Variants in UBE4B observed in about 807,000 individuals in gnomAD.
UBE4B encodes the protein ubiquitination factor E4B.
Under a neutral mutation model 148.1 loss-of-function variants are expected in UBE4B, and 27 were observed. That is an observed-to-expected ratio of 0.18 (90% CI 0.13 to 0.25). The LOEUF is 0.25. Among genes scored for constraint, UBE4B ranks in the 10% least tolerant of loss-of-function variants. The probability of loss-of-function intolerance (pLI) is 1.00; values close to 1 mark genes in which losing one functional copy is unlikely to be tolerated. For synonymous variants in UBE4B, 596 were observed against 619.3 expected, an observed-to-expected ratio of 0.96 and a Z score of 0.56; for missense variants, 1,170 against 1,662.4, an observed-to-expected ratio of 0.70 and a Z score of 5.15.
rs967480927 is a variant in UBE4B at position 10,032,990 on chromosome 1, T to C, written c.-681T>C. 1 of 151,794 alleles carries C rather than the reference T, an allele frequency of 6.6e-6. No individual in the cohort carries two copies. The highest frequency in any genetic ancestry group is 2.4e-5 in the African/African-American group (1 of 41,274). The allele number at this position is 151,794 out of a possible 1,614,324, so 9.4% of individuals were successfully genotyped here. On this transcript the variant is annotated 5_prime_UTR_variant, in exon 1 of 28. The change abolishes an upstream ATG in the 5' untranslated region. Coordinates refer to ENST00000343090, the MANE Select transcript of UBE4B (RefSeq NM_001105562.3). ...AAAGATGGCCGCCCTGTTGTTTTGA[T>C]GAATAATACTTGGTGGGGCGAGGGG... is the stretch of plus-strand genomic sequence containing the variant.
At chr1:10,092,898 C>G (rs1644873006) in intron 2 of UBE4B, among the ~76,000 whole-genome samples, 1 of 151,808 alleles carries the variant, frequency 6.6e-6, no homozygotes, top group African/African-American at 2.4e-5. Flanking sequence ...TTGAGGAGCA[C>G]TTGTATACAT....
intron 19 of UBE4B, 116 bp downstream of exon 19, chr1:10,147,206 C>T (rs909530872): frequency 2.1e-4 from 309 of 1,499,104 alleles, no homozygotes; most frequent in Non-Finnish European, 2.8e-4. Flanking sequence ...GAATTCACTT[C>T]TCTGCAAGGC....
At chr1:10,102,321 G>A (rs1307972883) in intron 4 of UBE4B, among the ~76,000 whole-genome samples, 1 of 140,854 alleles carries the variant, frequency 7.1e-6, no homozygotes, top group Non-Finnish European at 1.5e-5. Context: ...ATTCAGAAAA[G>A]TAAATAGATA....
chr1:10,108,750 T>A (rs192512361), intron 7 of UBE4B, among the ~76,000 whole-genome samples: 1 of 152,350 alleles, frequency 6.6e-6, no homozygotes, highest in African/African-American at 2.4e-5. Flanking sequence ...TGTATTACGC[T>A]GAACATTTTA....
rs11801417 is a variant in UBE4B at position 10,148,657 on chromosome 1, G to A, written c.2592-527G>A. On this transcript the variant is annotated intron_variant, in intron 19 of 27. Coordinates refer to ENST00000343090, the MANE Select transcript of UBE4B (RefSeq NM_001105562.3). ...AAAAAAAAAAAAAAAATCAAGAAAA[G>A]GGCCAGGTGTGGTGGCTCACACCTG... Among the ~76,000 whole-genome samples, 689 of 142,172 alleles carry A rather than the reference G, an allele frequency of 4.8e-3. 7 individuals are homozygous for A. Among genetic ancestry groups the A allele is most frequent in the African/African-American group, 0.017 (650 of 37,854 alleles). 93.3% of individuals were successfully genotyped at this position (142,172 alleles called of 152,430 possible). A position where few individuals can be genotyped will look rare whatever the true frequency, so the allele number is the denominator to read the frequency against.
intron 2 of UBE4B, among the ~76,000 whole-genome samples, chr1:10,089,503 G>GAAAA (rs113766750): frequency 7.4e-6 from 1 of 134,532 alleles, no homozygotes; most frequent in Admixed American, 7.5e-5. Context: ...ACATGTCTCT[G>GAAAA]AAAAAAAAAA....
chr1:10,127,504 C>G (rs1374693385), intron 11 of UBE4B, among the ~76,000 whole-genome samples: 1 of 152,164 alleles, frequency 6.6e-6, no homozygotes, highest in East Asian at 1.9e-4. Context: ...CCTTTCTGTT[C>G]TGAATTCGCT....
Position 10,168,088 on chromosome 1 carries a change from T to C in UBE4B, c.3199-48T>C, listed in dbSNP as rs768688471. ...TTATGTGCTTGGCGCTTTGCTGAGCTGATGACCAGGACCGAGCCTTACTCA... is the reference window on the plus strand; with the variant it reads ...TTATGTGCTTGGCGCTTTGCTGAGCCGATGACCAGGACCGAGCCTTACTCA... On this transcript the variant is annotated intron_variant, in intron 23 of 27. Coordinates refer to ENST00000343090, the MANE Select transcript of UBE4B (RefSeq NM_001105562.3). This position sits in a 1 kb window ranked among gnomAD's most constrained non-coding sequence, Gnocchi z 4.9. 29 of 1,580,654 alleles carry C rather than the reference T, an allele frequency of 1.8e-5. No homozygotes were observed. The highest frequency in any genetic ancestry group is 1.7e-4 in the Middle Eastern group (1 of 5,928).
chr1:10,090,723 T>A (rs1432681622), intron 2 of UBE4B, among the ~76,000 whole-genome samples: 1 of 152,084 alleles, frequency 6.6e-6, no homozygotes, highest in Non-Finnish European at 1.5e-5. Flanking sequence ...CTTGACCTTT[T>A]ATTGAGGTTT....
At chr1:10,054,537 T>G in intron 1 of UBE4B, 1 of 333,184 alleles carries the variant, frequency 3.0e-6, no homozygotes, top group Non-Finnish European at 5.8e-6. Flanking sequence ...CTCTTTGGCT[T>G]TCTTCTTTTT....
chr1:10,152,566 G>A (rs902549125), intron 21 of UBE4B, among the ~76,000 whole-genome samples: 3 of 152,044 alleles, frequency 2.0e-5, no homozygotes, highest in Non-Finnish European at 2.9e-5. Flanking sequence ...GGGAGGCCGA[G>A]GCGGGTGGAT....
intron 21 of UBE4B, among the ~76,000 whole-genome samples, chr1:10,153,584 G>C (rs1176035972): frequency 6.6e-6 from 1 of 151,824 alleles, no homozygotes; most frequent in Non-Finnish European, 1.5e-5. Flanking sequence ...ACTTTGGGAG[G>C]CCAAGGCAGT....
At chr1:10,077,634 C>T (rs945172554) in intron 2 of UBE4B, among the ~76,000 whole-genome samples, 51 of 152,264 alleles carry the variant, frequency 3.3e-4, no homozygotes, top group African/African-American at 1.1e-3. Context: ...ATGTTAGAAG[C>T]GAAGTAAGAT....
chr1:10,166,966 CACACAAAA>C (rs757275818), intron 23 of UBE4B, among the ~76,000 whole-genome samples: 4 of 134,730 alleles, frequency 3.0e-5, no homozygotes, highest in Non-Finnish European at 4.7e-5. Flanking sequence ...CACACACACA[CACACAAAA>C]AAAAAAAATT....
At chr1:10,139,137 T>C (rs1645743896) in intron 17 of UBE4B, among the ~76,000 whole-genome samples, 1 of 152,366 alleles carries the variant, frequency 6.6e-6, no homozygotes, top group South Asian at 2.1e-4. Context: ...GGCTTACGCC[T>C]GTAATCCCAA....
chr1:10,164,967 C>T (rs903943833), intron 23 of UBE4B, among the ~76,000 whole-genome samples: 5 of 152,142 alleles, frequency 3.3e-5, no homozygotes, highest in African/African-American at 1.2e-4. Context: ...GATGTACCCT[C>T]CTACCCCCAG....
intron 21 of UBE4B, among the ~76,000 whole-genome samples, chr1:10,155,760 C>T (rs942949543): frequency 9.9e-5 from 15 of 152,216 alleles, no homozygotes; most frequent in African/African-American, 3.1e-4. Flanking sequence ...TGGTGGCTCA[C>T]GCCTGTAATC....
At chr1:10,125,459 T>C (rs1256995426) in intron 10 of UBE4B, among the ~76,000 whole-genome samples, 1 of 152,248 alleles carries the variant, frequency 6.6e-6, no homozygotes, top group African/African-American at 2.4e-5. Context: ...AGAGCTGTAT[T>C]GATATCTCAC....
At chr1:10,167,441 A>AAT (rs1646269524) in intron 23 of UBE4B, among the ~76,000 whole-genome samples, 9 of 147,166 alleles carry the variant, frequency 6.1e-5, no homozygotes, top group African/African-American at 2.3e-4. Context: ...CCGTCTCAAA[A>AAT]AATAATAATA....
Sources: gnomAD v4.1 joint callset for allele counts (sites outside exome capture counted in the v4.1 genomes callset) on GRCh38, gnomAD v4.1.1 for gene constraint, Gnocchi (gnomAD v3.1) non-coding constraint, MANE v1.5 for transcripts, NCBI Gene and HGNC (gene_info 2026-07-23, HGNC 2026-07-21) for gene names.